Variants in PCBP2 observed in about 807,000 individuals in gnomAD.
PCBP2 encodes the protein poly(rC) binding protein 2.
A neutral mutation model predicts 50.1 loss-of-function variants in PCBP2; 4 were observed. The observed-to-expected ratio is 0.08, with a 90% CI of 0.04 to 0.18. The LOEUF is 0.18. PCBP2 is among the 10% of genes least tolerant of loss of function. PCBP2 has a pLI of 1.00. For missense variants in PCBP2, 161 were observed against 474.3 expected, an observed-to-expected ratio of 0.34 and a Z score of 6.14; for synonymous variants, 179 against 168.0, an observed-to-expected ratio of 1.07 and a Z score of -0.51.
At chr12:53,477,423 T>C (rs1313378993) in intron 14 of PCBP2, among the ~76,000 whole-genome samples, 1 of 151,990 alleles carries the variant, frequency 6.6e-6, no homozygotes, top group Non-Finnish European at 1.5e-5. Context: ...CCCAGCACTT[T>C]GGGAGGCCGA....
At chr12:53,459,930 G>C (rs1181652653) in intron 6 of PCBP2, 2 of 443,456 alleles carry the variant, frequency 4.5e-6, no homozygotes, top group Admixed American at 4.9e-5. Context: ...CCAAATTTTT[G>C]TATTTTTTTG....
At chr12:53,468,592 T>C in intron 12 of PCBP2, 185 bp from the exon 13 acceptor site, 4 of 595,128 alleles carry the variant, frequency 6.7e-6, no homozygotes, top group Non-Finnish European at 1.2e-5. Context: ...GAAGAACCTT[T>C]CGAGCATTAT....
At chr12:53,477,649 A>T (rs1465774804) in intron 14 of PCBP2, among the ~76,000 whole-genome samples, 2 of 140,600 alleles carry the variant, frequency 1.4e-5, no homozygotes, top group African/African-American at 5.3e-5. Context: ...CTGGGTGACA[A>T]AGCAAGACTC....
intron 13 of PCBP2, among the ~76,000 whole-genome samples, chr12:53,471,327 C>G (rs1207704496): frequency 6.7e-6 from 1 of 149,678 alleles, no homozygotes; most frequent in African/African-American, 2.5e-5. Flanking sequence ...TACCTGTAAT[C>G]CCAGCACTTT....
chr12:53,459,741 A>G (rs994094824), intron 6 of PCBP2: 9 of 292,628 alleles, frequency 3.1e-5, no homozygotes, highest in Non-Finnish European at 4.9e-5. Flanking sequence ...CGGTTTTTCT[A>G]TTTTTTAATT....
intron 13 of PCBP2, among the ~76,000 whole-genome samples, chr12:53,470,216 A>G (rs1343759989): frequency 1.3e-5 from 2 of 151,590 alleles, no homozygotes; most frequent in East Asian, 2.0e-4. Flanking sequence ...TGTCTCTACT[A>G]AAAATACAAA....
chr12:53,460,406 A>G (rs752019023), intron 6 of PCBP2: 24 of 385,162 alleles, frequency 6.2e-5, no homozygotes, highest in Non-Finnish European at 1.3e-4. Flanking sequence ...TTGGTCTCCC[A>G]AAGTGCTCGG....
chr12:53,479,652 T>C lies in PCBP2; in HGVS notation c.*210T>C. Reference sequence around the variant, plus strand: ...TGTTGATGCTGAGATCCATATTTAGTTTTATAAGCTTCTCCCTGGTTTTTT... The same window carrying C: ...TGTTGATGCTGAGATCCATATTTAGCTTTATAAGCTTCTCCCTGGTTTTTT... On this transcript the variant is annotated 3_prime_UTR_variant, in exon 15 of 15. Coordinates refer to ENST00000546463, the MANE Select transcript of PCBP2 (RefSeq NM_031989.5). The C allele has an allele frequency of 3.2e-6, 1 of 311,912 alleles. No individual in the cohort carries two copies. 19.3% of individuals were successfully genotyped at this position (311,912 alleles called of 1,614,324 possible).
At chr12:53,459,073 T>C (rs1291768252) in intron 5 of PCBP2, among the ~76,000 whole-genome samples, 199 bp from the exon 6 acceptor site, 1 of 152,200 alleles carries the variant, frequency 6.6e-6, no homozygotes, top group African/African-American at 2.4e-5. Context: ...TGGCTAATTT[T>C]GAGGAATTTT....
Position 53,474,748 on chromosome 12 carries a change from A to G in PCBP2, c.1052+2941A>G, listed in dbSNP as rs981841123. 1.5e-4 allele frequency: 50 copies of G among 337,712 alleles called. 1 individual carries two copies. The highest frequency in any genetic ancestry group is 8.6e-4 in the African/African-American group (40 of 46,398). 20.9% of individuals were successfully genotyped at this position (337,712 alleles called of 1,614,324 possible). The stretch of plus-strand genomic sequence containing the variant: ...TCACAAGTTGACACTAGGTCTTCCT[A>G]ATTGTCAACCAGAGGCACTTACTGA... On this transcript the variant is annotated intron_variant, in intron 14 of 14. Coordinates refer to ENST00000546463, the MANE Select transcript of PCBP2 (RefSeq NM_031989.5).
intron 4 of PCBP2, 102 bp from the exon 5 acceptor site, chr12:53,455,783 A>G (rs1940964713): frequency 1.2e-6 from 1 of 817,696 alleles, no homozygotes; most frequent in Non-Finnish European, 2.0e-6. Context: ...TTTGCTTTGC[A>G]TCAGGATCAT....
intron 10 of PCBP2, among the ~76,000 whole-genome samples, 189 bp downstream of exon 10, chr12:53,466,162 A>G (rs963656438): frequency 2.6e-5 from 4 of 152,150 alleles, no homozygotes; most frequent in African/African-American, 9.7e-5. Context: ...GCCTTTTAAC[A>G]TTTAACCCCT....
intron 9 of PCBP2, 103 bp downstream of exon 9, chr12:53,464,955 T>G: frequency 7.2e-7 from 1 of 1,390,942 alleles, no homozygotes; most frequent in East Asian, 2.9e-5. Flanking sequence ...TTTGGTGCTG[T>G]GGACACCACC....
At chr12:53,470,745 A>G (rs1320559589) in intron 13 of PCBP2, among the ~76,000 whole-genome samples, 2 of 144,818 alleles carry the variant, frequency 1.4e-5, no homozygotes, top group African/African-American at 5.0e-5. Flanking sequence ...TATTAGTGCA[A>G]ATGTTAACCA....
At chr12:53,464,454 T>C in intron 8 of PCBP2, 2 of 324,586 alleles carry the variant, frequency 6.2e-6, no homozygotes, top group South Asian at 5.9e-5. Context: ...GTGTCTTTTG[T>C]TCCTTTGTGG....
chr12:53,478,272 C>T (rs1280777142), intron 14 of PCBP2, among the ~76,000 whole-genome samples: 1 of 152,080 alleles, frequency 6.6e-6, no homozygotes. Flanking sequence ...CTTTGGGAGG[C>T]CAAGACAAGT....
At position 53,455,965 on chromosome 12, in the gene PCBP2, C is replaced by T. The variant is rs766128334; in HGVS notation, c.207C>T (p.Phe69=). Residue 69 remains phenylalanine, a synonymous_variant, in exon 5 of 15, where the codon TTC becomes TTT. Coordinates refer to ENST00000546463, the MANE Select transcript of PCBP2 (RefSeq NM_031989.5). ...TGGCTGGACCCACTAATGCCATCTT[C>T]AAAGCCTTTGCTATGATCATTGACA... The part of the protein sequence containing the change: ...ITLAGPTNAI[F]KAFAMIIDKL... 25 of 1,612,924 alleles carry T rather than the reference C, an allele frequency of 1.5e-5. No individual in the cohort carries two copies. The highest frequency in any genetic ancestry group is 2.0e-5 in the Non-Finnish European group (23 of 1,179,026).
chr12:53,476,841 C>T (rs953166262), intron 14 of PCBP2, among the ~76,000 whole-genome samples: 5 of 152,136 alleles, frequency 3.3e-5, no homozygotes, highest in African/African-American at 1.2e-4. Flanking sequence ...CCAGCTCTCT[C>T]CCTTGGTAAG....
At chr12:53,478,821 C>CTGAGTA (rs2137146484) in intron 14 of PCBP2, among the ~76,000 whole-genome samples, 1 of 152,168 alleles carries the variant, frequency 6.6e-6, no homozygotes, top group South Asian at 2.1e-4. Flanking sequence ...ATAAGTAAAT[C>CTGAGTA]TGAGTATAAT....
Sources: gnomAD v4.1 joint callset for allele counts (sites outside exome capture counted in the v4.1 genomes callset) on GRCh38, gnomAD v4.1.1 for gene constraint, MANE v1.5 for transcripts, NCBI Gene and HGNC (gene_info 2026-07-23, HGNC 2026-07-21) for gene names.